The following SYT6 variants were observed in gnomAD, a reference collection of about 807,000 sequenced individuals.
SYT6 encodes the protein synaptotagmin-6.
In SYT6, 24 loss-of-function variants were observed where a neutral mutation model predicts 38.4. The observed-to-expected ratio is 0.62, with a 90% CI of 0.45 to 0.88. The LOEUF (loss-of-function observed/expected upper bound fraction) is 0.88. Among genes scored for constraint, SYT6 ranks in the 40% least tolerant of loss-of-function variants. The pLI is 0.00. For synonymous variants in SYT6, 265 were observed against 241.9 expected (o/e 1.10, Z -0.89); for missense variants, 611 against 621.0 (o/e 0.98, Z 0.17).
At chr1:114,125,787 GC>G (rs1557752887) in intron 3 of SYT6, among the ~76,000 whole-genome samples, 1 of 152,152 alleles carries the variant, frequency 6.6e-6, no homozygotes, top group African/African-American at 2.4e-5. Context: ...GGGTTAATTG[GC>G]TCAGGATCAA....
intron 1 of SYT6, among the ~76,000 whole-genome samples, chr1:114,146,401 C>G (rs1390498557): frequency 6.6e-6 from 1 of 152,214 alleles, no homozygotes; most frequent in Non-Finnish European, 1.5e-5. Flanking sequence ...AGCTGTATGC[C>G]TTCCCACTCT....
chr1:114,123,286 G>GT (rs1437531745), intron 3 of SYT6, among the ~76,000 whole-genome samples: 4 of 152,164 alleles, frequency 2.6e-5, no homozygotes, highest in African/African-American at 4.8e-5. Context: ...CACCAGAGCT[G>GT]TTTTTTTCTC....
chr1:114,125,846 T>G lies in SYT6; in HGVS notation c.1071+11649A>C, dbSNP rs149452160. Among the ~76,000 whole-genome samples the G allele has an allele frequency of 1.4e-4, 21 of 152,294 alleles. No individual in the cohort carries two copies. In the East Asian group the frequency reaches 4.1e-3, roughly 29 times the overall value. On this transcript the variant is annotated intron_variant, in intron 3 of 7. Coordinates refer to ENST00000610222, the MANE Select transcript of SYT6 (RefSeq NM_001253772.2). ...TTTTTCCTTGGTTTTCCTGCTGATG[T>G]TGCTTGTTGGTTTGCCTATTTCTGG... is the stretch of plus-strand genomic sequence containing the variant.
intron 1 of SYT6, among the ~76,000 whole-genome samples, chr1:114,148,267 G>A (rs1240631679): frequency 1.3e-5 from 2 of 152,174 alleles, no homozygotes; most frequent in Non-Finnish European, 2.9e-5. Context: ...CTTATTGCTT[G>A]CTATTGTTCC....
At position 114,091,764 on chromosome 1, in the gene SYT6, C is replaced by A; in HGVS notation, c.*370G>T. 4 of 325,914 alleles carry A rather than the reference C, an allele frequency of 1.2e-5. No individual in the cohort carries two copies. The highest frequency in any genetic ancestry group is 4.7e-5 in the East Asian group (1 of 21,430). 20.2% of individuals were successfully genotyped at this position (325,914 alleles called of 1,614,324 possible). Reference sequence around the variant, plus strand: ...CCTACTCTTTTTTTTTTTCCCTTTTCTTACCAGCAGACCCATAAAAAGTGA... The same window carrying A: ...CCTACTCTTTTTTTTTTTCCCTTTTATTACCAGCAGACCCATAAAAAGTGA... On this transcript the variant is annotated 3_prime_UTR_variant, in exon 8 of 8. Transcript: ENST00000610222.
At chr1:114,095,089 T>C (rs1013653813) in intron 6 of SYT6, among the ~76,000 whole-genome samples, 5 of 152,140 alleles carry the variant, frequency 3.3e-5, no homozygotes, top group Admixed American at 6.5e-5. Context: ...TAGAGAATGA[T>C]CAGCTGAGCA....
intron 1 of SYT6, among the ~76,000 whole-genome samples, chr1:114,141,873 G>T (rs1678884493): frequency 6.6e-6 from 1 of 152,108 alleles, no homozygotes; most frequent in African/African-American, 2.4e-5. Flanking sequence ...CTCTAAAAAT[G>T]GAAAAACAAA....
chr1:114,129,553 TTTTTTCTTTC>T (rs1677963390), intron 3 of SYT6, among the ~76,000 whole-genome samples: 1 of 142,196 alleles, frequency 7.0e-6, no homozygotes, highest in South Asian at 2.4e-4. Context: ...TTTTCTGTCT[TTTTTTCTTTC>T]TTTTCTTTCT....
chr1:114,106,562 G>A (rs1252810943), intron 3 of SYT6, among the ~76,000 whole-genome samples: 2 of 151,988 alleles, frequency 1.3e-5, no homozygotes, highest in African/African-American at 4.8e-5. Flanking sequence ...TCAGCAACTG[G>A]GCCCTGTCCT....
chr1:114,120,077 A>AG (rs1253839493), intron 3 of SYT6, among the ~76,000 whole-genome samples: 7 of 151,926 alleles, frequency 4.6e-5, no homozygotes. Flanking sequence ...TCTCAAAAAA[A>AG]AAAAAAAAAA....
Position 114,139,950 on chromosome 1 carries a change from G to T in SYT6, c.177C>A (p.Ser59Arg). Residue 59 changes from serine (S) to arginine (R), a missense_variant, in exon 2 of 8, where the codon AGC (serine) becomes AGA (arginine). Transcript: ENST00000610222. ...PSAAGAGTSV[S>R]LLAVVVIVCG... ...ACACAATAACTACAACTGCGAGGAG[G>T]CTGACAGAGGTGCCTGCCCTCGGCA... The T allele has an allele frequency of 1.3e-6, 2 of 1,502,884 alleles. No homozygotes were observed. The highest frequency in any genetic ancestry group is 1.8e-6 in the Non-Finnish European group (2 of 1,128,252). The allele number at this position is 1,502,884 out of a possible 1,614,324, so 93.1% of individuals were successfully genotyped here.
chr1:114,152,101 C>T (rs1262195180), intron 1 of SYT6: 1 of 152,398 alleles, frequency 6.6e-6, no homozygotes, highest in East Asian at 1.9e-4. Context: ...GGCCCACCGC[C>T]CCCTCCCCCG....
intron 3 of SYT6, among the ~76,000 whole-genome samples, chr1:114,116,830 A>G (rs1042198481): frequency 2.6e-5 from 4 of 152,168 alleles, no homozygotes; most frequent in African/African-American, 7.2e-5. Flanking sequence ...TGGGGCATCT[A>G]TGCCTTCCCT....
intron 3 of SYT6, among the ~76,000 whole-genome samples, chr1:114,122,678 G>C (rs765294730): frequency 6.6e-6 from 1 of 152,142 alleles, no homozygotes; most frequent in East Asian, 1.9e-4. Flanking sequence ...AGGGTTGGGG[G>C]AATACTTTCC....
In SYT6 at chr1:114,136,643, C is replaced by A. The variant is rs183478398; in HGVS notation, c.1071+852G>T. On this transcript the variant is annotated intron_variant, in intron 3 of 7. Transcript: ENST00000610222. Reference sequence around the variant, plus strand: ...TGAGCCCCAGCTCCTTGAAACCTTCCCTGATTAATTCCAGCTGGTTGCAAA... The same window carrying A: ...TGAGCCCCAGCTCCTTGAAACCTTCACTGATTAATTCCAGCTGGTTGCAAA... Among the ~76,000 whole-genome samples the A allele has an allele frequency of 2.5e-3, 385 of 152,308 alleles. 4 individuals are homozygous for A. The highest frequency in any genetic ancestry group is 8.9e-3 in the African/African-American group (370 of 41,558).
intron 3 of SYT6, among the ~76,000 whole-genome samples, chr1:114,128,905 C>T (rs1677912622): frequency 6.6e-6 from 1 of 152,182 alleles, no homozygotes; most frequent in African/African-American, 2.4e-5. Context: ...TAGTTTCATG[C>T]CTCTTGACAC....
intron 4 of SYT6, among the ~76,000 whole-genome samples, chr1:114,101,651 A>G (rs1453084662): frequency 6.6e-6 from 1 of 152,226 alleles, no homozygotes; most frequent in Non-Finnish European, 1.5e-5. Flanking sequence ...AATAAGCTCC[A>G]TTCAATACCT....
intron 3 of SYT6, among the ~76,000 whole-genome samples, chr1:114,133,906 T>C (rs544526626): frequency 7.9e-5 from 12 of 152,008 alleles, no homozygotes; most frequent in Non-Finnish European, 1.8e-4. Flanking sequence ...AGCCTTGAGC[T>C]CAGGGTTCTG....
At chr1:114,123,542 G>A (rs1677544816) in intron 3 of SYT6, among the ~76,000 whole-genome samples, 1 of 152,328 alleles carries the variant, frequency 6.6e-6, no homozygotes, top group African/African-American at 2.4e-5. Flanking sequence ...GAGCCCTGGA[G>A]AAGGCTGGCA....
Sources: allele counts gnomAD v4.1 joint callset (sites outside exome capture counted in the v4.1 genomes callset), GRCh38; gene constraint gnomAD v4.1.1; transcripts MANE v1.5; gene names NCBI Gene and HGNC (gene_info 2026-07-23, HGNC 2026-07-21).